The following IFT57 variants were observed in gnomAD, a reference collection of about 807,000 sequenced individuals.
IFT57 encodes the protein intraflagellar transport 57.
IFT57 carries 59 observed loss-of-function variants against 56.8 expected under a neutral mutation model. The observed-to-expected ratio is 1.04, with a 90% CI of 0.84 to 1.29. The LOEUF is 1.29. Ranked by LOEUF, IFT57 falls within the 50% of genes most tolerant of loss-of-function variation. The probability of loss-of-function intolerance (pLI) is 0.00; values close to 1 mark genes in which losing one functional copy is unlikely to be tolerated. For missense variants in IFT57, 470 were observed against 522.1 expected (o/e 0.90, Z 0.97); for synonymous variants, 209 against 186.1 (o/e 1.12, Z -1.00).
intron 6 of IFT57, among the ~76,000 whole-genome samples, chr3:108,175,563 T>C (rs1260732006): frequency 6.6e-6 from 1 of 151,834 alleles, no homozygotes; most frequent in Admixed American, 6.6e-5. Context: ...TTAAGGTGAC[T>C]CGCAAGACTA....
rs1560133076 is a variant in IFT57, at chr3:108,222,186, T to C, written c.137A>G (p.Asp46Gly). 1 of 1,613,984 alleles carries C rather than the reference T, an allele frequency of 6.2e-7. No individual in the cohort carries two copies. Among genetic ancestry groups the C allele is most frequent in the Non-Finnish European group, 8.5e-7 (1 of 1,179,966 alleles). Residue 46 changes from aspartate to glycine, a missense_variant, in exon 1 of 11, where the codon GAC (aspartate) becomes GGC (glycine). Physicochemically the swap from Asp to Gly is moderately conservative, Grantham distance 94. Coordinates refer to ENST00000264538, the MANE Select transcript of IFT57 (RefSeq NM_018010.4). ...GAGCAGCTTCAGCTTCTCCACCAAG[T>C]CCTCCATCACCACGAACATGTGGTA... ...AAYHMFVVME[D>G]LVEKLKLLRY...
In IFT57 at chr3:108,162,302, C is replaced by T. The variant is rs1195198980; in HGVS notation, c.*175G>A. 2.3e-6 allele frequency: 1 copy of T among 437,814 alleles called. No individual in the cohort carries two copies. Among genetic ancestry groups the T allele is most frequent in the Admixed American group, 4.1e-5 (1 of 24,182 alleles). The allele number at this position is 437,814 out of a possible 1,614,324, so 27.1% of individuals were successfully genotyped here. Reference sequence around the variant, plus strand: ...GAGAATTTGTAATTTCTTTATTAAACATTACATTCAGTGTAAAGGCTTTAA... The same window carrying T: ...GAGAATTTGTAATTTCTTTATTAAATATTACATTCAGTGTAAAGGCTTTAA... On this transcript the variant is annotated 3_prime_UTR_variant, in exon 11 of 11. Transcript: ENST00000264538.
At chr3:108,211,586 A>G (rs1437641244) in intron 4 of IFT57, among the ~76,000 whole-genome samples, 3 of 152,222 alleles carry the variant, frequency 2.0e-5, no homozygotes. Context: ...TGCCTGCTAC[A>G]TAACAAGTGC....
rs907849269 is a variant in IFT57, at chr3:108,222,290, C to T, written c.33G>A (p.Ser11=). MTAALAVVTT[S]GLEDGVPRSR... Reference sequence around the variant, plus strand: ...ACCTAGGCACCCCATCTTCCAAACCCGACGTCGTGACGACGGCCAGAGCAG... The same window carrying T: ...ACCTAGGCACCCCATCTTCCAAACCTGACGTCGTGACGACGGCCAGAGCAG... The change falls in exon 1 of 11, where the codon TCG becomes TCA. Residue 11 remains serine, a synonymous_variant. Transcript: ENST00000264538. 2 of 1,613,480 alleles carry T rather than the reference C, an allele frequency of 1.2e-6. No individual in the cohort carries two copies. Among genetic ancestry groups the T allele is most frequent in the Non-Finnish European group, 1.7e-6 (2 of 1,179,742 alleles).
chr3:108,214,333 T>C (rs2080359147), intron 3 of IFT57, among the ~76,000 whole-genome samples: 1 of 152,178 alleles, frequency 6.6e-6, no homozygotes, highest in African/African-American at 2.4e-5. Flanking sequence ...CTGTATTTCA[T>C]TGAACAATCA....
At chr3:108,205,767 TATAAA>T (rs2080305843) in intron 5 of IFT57, among the ~76,000 whole-genome samples, 1 of 142,998 alleles carries the variant, frequency 7.0e-6, no homozygotes, top group African/African-American at 2.6e-5. Flanking sequence ...TTATATAATA[TATAAA>T]ATATTATAAC....
chr3:108,191,706 C>G, intron 5 of IFT57, 63 bp from the exon 6 acceptor site: 1 of 1,302,990 alleles, frequency 7.7e-7, no homozygotes, highest in South Asian at 1.4e-5. Context: ...AAATTTGAGG[C>G]ATTTTAGCAG....
chr3:108,187,538 G>A (rs1376547120), intron 6 of IFT57, among the ~76,000 whole-genome samples: 1 of 150,438 alleles, frequency 6.6e-6, no homozygotes, highest in Admixed American at 6.6e-5. Flanking sequence ...GAGTAGCCAT[G>A]ATTTTGTTTC....
intron 1 of IFT57, among the ~76,000 whole-genome samples, chr3:108,221,593 A>G (rs2080405647): frequency 6.6e-6 from 1 of 152,226 alleles, no homozygotes; most frequent in Admixed American, 6.5e-5. Context: ...AACCGCATTT[A>G]AAGTGCTCCT....
At position 108,165,481 on chromosome 3, in the gene IFT57, A is replaced by G. The variant is rs1157831673; in HGVS notation, c.994T>C (p.Tyr332His). The G allele has an allele frequency of 6.2e-7, 1 of 1,612,502 alleles. No individual in the cohort carries two copies. The highest frequency in any genetic ancestry group is 8.5e-7 in the Non-Finnish European group (1 of 1,178,962). Residue 332 changes from tyrosine (Y) to histidine (H), a missense_variant, in exon 9 of 11, where the codon TAC becomes CAC. Transcript: ENST00000264538. Reference sequence around the variant, plus strand: ...GTCACTCCTCCATTTCCCTGCTGGTATCGCTCCTTTGCCTGAGAGGAAAAA... The same window carrying G: ...GTCACTCCTCCATTTCCCTGCTGGTGTCGCTCCTTTGCCTGAGAGGAAAAA... ...QAQLSEAKER[Y>H]QQGNGGVTER...
In IFT57 at chr3:108,167,798, T is replaced by C; in HGVS notation, c.844A>G (p.Thr282Ala). The C allele has an allele frequency of 1.9e-6, 3 of 1,565,056 alleles. No individual in the cohort carries two copies. Among genetic ancestry groups the C allele is most frequent in the Non-Finnish European group, 2.6e-6 (3 of 1,155,438 alleles). ...RSGIESALKE[T>A]KGFLDKLHNE... ...ACGTAAAGTAATTCATATACCTTGG[T>C]CTCCTTTAGAGCAGATTCAATTCCA... The change falls in exon 7 of 11, where the codon ACC becomes GCC. Residue 282 changes from threonine (T) to alanine (A), a missense_variant. Thr to Ala is a moderately conservative substitution (Grantham distance 58, BLOSUM62 0). Coordinates refer to ENST00000264538, the MANE Select transcript of IFT57 (RefSeq NM_018010.4).
At position 108,216,903 on chromosome 3, in the gene IFT57, A is replaced by T. The variant is rs1036034228; in HGVS notation, c.494+1632T>A. ...CAAATATCATAGAAGTAGAGAGTAT[A>T]ATAGTGGTTACCATAGGATGGGAAG... On this transcript the variant is annotated intron_variant, in intron 3 of 10. Transcript: ENST00000264538. Among the ~76,000 whole-genome samples the T allele has an allele frequency of 2.6e-5, 4 of 152,220 alleles. No individual in the cohort carries two copies. In the East Asian group the frequency reaches 7.7e-4, roughly 29 times the overall value.
chr3:108,215,360 G>C (rs1225562471), intron 3 of IFT57, among the ~76,000 whole-genome samples: 3 of 152,046 alleles, frequency 2.0e-5, no homozygotes, highest in Non-Finnish European at 4.4e-5. Context: ...CCAGGAGTTT[G>C]AGACCAGCCT....
In IFT57 at chr3:108,219,530, G is replaced by A. The variant is rs1189704426; in HGVS notation, c.255C>T (p.Tyr85=). The A allele has an allele frequency of 2.5e-6, 4 of 1,614,002 alleles. No homozygotes were observed. Among genetic ancestry groups the A allele is most frequent in the Non-Finnish European group, 2.5e-6 (3 of 1,179,884 alleles). Residue 85 remains tyrosine, a synonymous_variant, in exon 2 of 11, where the codon TAC becomes TAT. Transcript: ENST00000264538. ...ACCAAGCAGCAAGAGTACAAAACAT[G>A]TAGAACTGTTCGCCAGGGTTGGTAG... The part of the protein sequence containing the change: ...ALPTNPGEQF[Y]MFCTLAAWLI...
chr3:108,203,444 T>C (rs2080290907), intron 5 of IFT57, among the ~76,000 whole-genome samples: 1 of 152,348 alleles, frequency 6.6e-6, no homozygotes, highest in East Asian at 1.9e-4. Flanking sequence ...GGGATTATCA[T>C]GATACTTAAA....
rs2080066408 is a variant in IFT57, at chr3:108,166,903, A to G, written c.932T>C (p.Leu311Pro). The change falls in exon 8 of 11, where the codon CTT (leucine) becomes CCT (proline). Residue 311 changes from leucine (L) to proline (P), a missense_variant. Leu to Pro is a moderately conservative substitution (Grantham distance 98, BLOSUM62 -3). Transcript: ENST00000264538. ...ACGATATTCTTGAACCAAATTCTCA[A>G]GCTGATTGTTGATGTACTTTTCTCG... ...SSREKYINNQ[L>P]ENLVQEYRAA... 1 of 1,611,646 alleles carries G rather than the reference A, an allele frequency of 6.2e-7. No homozygotes were observed. The highest frequency in any genetic ancestry group is 8.5e-7 in the Non-Finnish European group (1 of 1,178,642).
chr3:108,212,128 A>G (rs1205029223), intron 4 of IFT57, among the ~76,000 whole-genome samples: 1 of 152,134 alleles, frequency 6.6e-6, no homozygotes, highest in Non-Finnish European at 1.5e-5. Context: ...GACTACAGGC[A>G]TGCACCACCA....
rs59994463 is a variant in IFT57, at chr3:108,173,997, A to AATGTGTGTGTGTGT, written c.778-6134_778-6133insACACACACACACAT. Among the ~76,000 whole-genome samples, 9 of 100,762 alleles carry AATGTGTGTGTGTGT rather than the reference A, an allele frequency of 8.9e-5. 1 individual carries two copies. In the East Asian group the frequency reaches 1.2e-3, roughly 13 times the overall value. 66.1% of individuals were successfully genotyped at this position (100,762 alleles called of 152,430 possible). ...AAAAATCAGTATTTGCATATATTTG[A>AATGTGTGTGTGTGT]GTGTGTGTGTGTGTGTGTGTGTGTG... is the stretch of plus-strand genomic sequence containing the variant. On this transcript the variant is annotated intron_variant, in intron 6 of 10. Transcript: ENST00000264538.
At chr3:108,219,375 G>C in intron 2 of IFT57, 35 bp downstream of exon 2, 1 of 1,562,106 alleles carries the variant, frequency 6.4e-7, no homozygotes, top group Non-Finnish European at 8.8e-7. Context: ...TTCATAACTT[G>C]AGAACAAGGA....
Sources: gnomAD v4.1 joint callset for allele counts (sites outside exome capture counted in the v4.1 genomes callset) on GRCh38, gnomAD v4.1.1 for gene constraint, MANE v1.5 for transcripts, NCBI Gene and HGNC (gene_info 2026-07-23, HGNC 2026-07-21) for gene names.